The following PRKAR1A variants were observed in gnomAD, a reference collection of about 807,000 sequenced individuals.
PRKAR1A encodes the protein cAMP-dependent protein kinase type I-alpha regulatory subunit.
In PRKAR1A, 3 loss-of-function variants were observed where a neutral mutation model predicts 52.0. That is an observed-to-expected ratio of 0.06 (90% CI 0.03 to 0.15). The LOEUF (loss-of-function observed/expected upper bound fraction) is 0.15. PRKAR1A is among the 10% of genes least tolerant of loss of function. The probability of loss-of-function intolerance (pLI) is 1.00; values close to 1 mark genes in which losing one functional copy is unlikely to be tolerated. For synonymous variants in PRKAR1A, 188 were observed against 168.4 expected, an observed-to-expected ratio of 1.12 and a Z score of -0.90; for missense variants, 240 against 477.4, an observed-to-expected ratio of 0.50 and a Z score of 4.63.
At chr17:68,420,528 ATTTTTACCCTCTT>A in the PRKAR1A span, 9 of 1,541,640 alleles carry the variant, frequency 5.8e-6, no homozygotes, top group Non-Finnish European at 8.0e-6. Context: ...TCCAAATTTC[ATTTTTACCCTCTT>A]TACAAACACA....
the PRKAR1A span, among the ~76,000 whole-genome samples, chr17:68,438,686 C>T: frequency 2.6e-5 from 4 of 152,206 alleles, no homozygotes; most frequent in Admixed American, 2.0e-4. Flanking sequence ...CTGCAACCTC[C>T]GCCTCTTTGG....
At chr17:68,537,411 G>A (rs1312832434), downstream of PRKAR1A, 1 of 1,604,442 alleles carries the variant, frequency 6.2e-7, no homozygotes. This position sits in a 1 kb window ranked among gnomAD's most constrained non-coding sequence, Gnocchi z 4.2. Context: ...TGAGGACGCA[G>A]GGTCGGCACT....
chr17:68,442,901 G>A, the PRKAR1A span, among the ~76,000 whole-genome samples: 1 of 152,124 alleles, frequency 6.6e-6, no homozygotes, highest in African/African-American at 2.4e-5. Flanking sequence ...TTGCCTAATG[G>A]TGCCTACTAT....
the PRKAR1A span, among the ~76,000 whole-genome samples, chr17:68,451,624 A>C: frequency 3.3e-5 from 5 of 152,284 alleles, no homozygotes; most frequent in African/African-American, 1.2e-4. Flanking sequence ...CAAAGGCGTG[A>C]CTTCTCAGTT....
chr17:68,432,362 A>C, the PRKAR1A span, among the ~76,000 whole-genome samples: 1 of 152,202 alleles, frequency 6.6e-6, no homozygotes, highest in Non-Finnish European at 1.5e-5. Flanking sequence ...TGGCAGAAAA[A>C]GATGGCAGAA....
chr17:68,457,526 T>G, the PRKAR1A span: 34 of 498,646 alleles, frequency 6.8e-5, no homozygotes, highest in East Asian at 1.7e-4. Flanking sequence ...GCCCCGCCCC[T>G]ACCCCGCCCC....
the PRKAR1A span, among the ~76,000 whole-genome samples, chr17:68,423,034 G>A: frequency 9.9e-5 from 15 of 152,172 alleles, no homozygotes; most frequent in Admixed American, 7.9e-4. This position sits in a 1 kb window ranked among gnomAD's most constrained non-coding sequence, Gnocchi z 4.4. Context: ...GATGACCCGC[G>A]TTCTTAAGGC....
the PRKAR1A span, among the ~76,000 whole-genome samples, chr17:68,457,845 C>A: frequency 6.6e-6 from 1 of 152,176 alleles, no homozygotes; most frequent in African/African-American, 2.4e-5. Flanking sequence ...AGGCAGCAGG[C>A]CCACGTGGCG....
chr17:68,525,090 C>T (rs2085745506), intron 6 of PRKAR1A, 132 bp downstream of exon 6: 1 of 754,446 alleles, frequency 1.3e-6, no homozygotes, highest in African/African-American at 1.7e-5. Context: ...TACCTTTTGC[C>T]AAGTATTTTT....
the PRKAR1A span, among the ~76,000 whole-genome samples, chr17:68,451,977 TAACA>T: frequency 6.6e-6 from 1 of 152,188 alleles, no homozygotes; most frequent in Admixed American, 6.5e-5. Context: ...AATGGTGTAA[TAACA>T]ATAACATCTT....
chr17:68,435,337 C>T, the PRKAR1A span, among the ~76,000 whole-genome samples: 907 of 152,262 alleles, frequency 6.0e-3, 17 homozygotes, highest in African/African-American at 0.021. Flanking sequence ...AGCATTTGTC[C>T]GTCTCTACGG....
chr17:68,493,498 C>T, the PRKAR1A span: 1 of 152,282 alleles, frequency 6.6e-6, no homozygotes, highest in South Asian at 2.1e-4. Flanking sequence ...AGCCAAGCCT[C>T]GGAGTGGCCA....
chr17:68,533,156 G>T lies in PRKAR1A; in HGVS notation c.*2707G>T. 2 of 1,059,414 alleles carry T rather than the reference G, an allele frequency of 1.9e-6. No homozygotes were observed. Among genetic ancestry groups the T allele is most frequent in the Non-Finnish European group, 2.3e-6 (2 of 874,338 alleles). 65.6% of individuals were successfully genotyped at this position (1,059,414 alleles called of 1,614,324 possible). ...ATATATACATTTAATGTTACTTAGGGATACTTTTATATTTTGCATATATAA... is the reference window on the plus strand; with the variant it reads ...ATATATACATTTAATGTTACTTAGGTATACTTTTATATTTTGCATATATAA... On this transcript the variant is annotated 3_prime_UTR_variant, in exon 11 of 11. Coordinates refer to ENST00000589228, the MANE Select transcript of PRKAR1A (RefSeq NM_002734.5).
chr17:68,536,493 A>G (rs763052457), downstream of PRKAR1A: 22 of 454,030 alleles, frequency 4.8e-5, no homozygotes, highest in South Asian at 3.3e-4. Context: ...GGAGGCTTCA[A>G]TAAAAAACCT....
chr17:68,479,539 G>C, the PRKAR1A span, among the ~76,000 whole-genome samples: 1 of 151,906 alleles, frequency 6.6e-6, no homozygotes, highest in Non-Finnish European at 1.5e-5. Context: ...TTTTCATTGA[G>C]AATATGTTAT....
At chr17:68,516,011 A>G (rs969289545) in intron 2 of PRKAR1A, among the ~76,000 whole-genome samples, 4 of 152,180 alleles carry the variant, frequency 2.6e-5, no homozygotes, top group Non-Finnish European at 1.5e-5. Flanking sequence ...TGAAACATGA[A>G]TCTAGCTTGT....
At chr17:68,424,704 C>G in the PRKAR1A span, among the ~76,000 whole-genome samples, 3 of 152,206 alleles carry the variant, frequency 2.0e-5, no homozygotes, top group Non-Finnish European at 4.4e-5. Context: ...GGTGAAACCC[C>G]GTCTCTACTA....
chr17:68,440,307 G>A, the PRKAR1A span, among the ~76,000 whole-genome samples: 6 of 152,318 alleles, frequency 3.9e-5, no homozygotes, highest in South Asian at 1.0e-3. Flanking sequence ...ATGTATCTTC[G>A]TATCTTGGGA....
At chr17:68,502,168 C>CAAAAGAT in the PRKAR1A span, among the ~76,000 whole-genome samples, 333 of 152,152 alleles carry the variant, frequency 2.2e-3, 2 homozygotes, top group South Asian at 8.3e-3. Context: ...CATTAGAACC[C>CAAAAGAT]AAAAGATAAA....
Sources: allele counts gnomAD v4.1 joint callset (sites outside exome capture counted in the v4.1 genomes callset), GRCh38; gene constraint gnomAD v4.1.1; non-coding constraint Gnocchi (gnomAD v3.1); transcripts MANE v1.5; gene names NCBI Gene and HGNC (gene_info 2026-07-23, HGNC 2026-07-21).